The following COX10 variants were observed in gnomAD, a reference collection of about 807,000 sequenced individuals.
COX10 encodes cytochrome c oxidase assembly factor heme A:farnesyltransferase COX10, also known as protoheme IX farnesyltransferase, mitochondrial.
Under a neutral mutation model 37.3 loss-of-function variants are expected in COX10, and 27 were observed. That is an observed-to-expected ratio of 0.72 (90% confidence interval 0.53 to 1.00). The LOEUF (loss-of-function observed/expected upper bound fraction) is 1.00. COX10 is among the 50% of genes least tolerant of loss of function. The pLI, the probability that COX10 is intolerant of heterozygous loss-of-function variation, is 0.00. For missense variants in COX10, 475 were observed against 563.2 expected, an observed-to-expected ratio of 0.84 and a Z score of 1.59; for synonymous variants, 222 against 229.1, an observed-to-expected ratio of 0.97 and a Z score of 0.28.
At chr17:14,134,862 T>C (rs191040192) in intron 4 of COX10, among the ~76,000 whole-genome samples, 28 of 151,812 alleles carry the variant, frequency 1.8e-4, no homozygotes, top group African/African-American at 6.7e-4. Context: ...AGAGATTGCA[T>C]GTAGCCTTTA....
chr17:14,082,618 T>C (rs1915321539), intron 3 of COX10, among the ~76,000 whole-genome samples: 1 of 152,196 alleles, frequency 6.6e-6, no homozygotes, highest in Non-Finnish European at 1.5e-5. Flanking sequence ...TGGTTATATA[T>C]CTGAATTGTC....
At position 14,207,246 on chromosome 17, in the gene COX10, C is replaced by G. The variant is rs887469940; in HGVS notation, c.*33C>G. 6.5e-7 allele frequency: 1 copy of G among 1,530,060 alleles called. No homozygotes were observed. The highest frequency in any genetic ancestry group is 2.3e-5 in the East Asian group (1 of 42,636). The allele number at this position is 1,530,060 out of a possible 1,614,324, so 94.8% of individuals were successfully genotyped here. On this transcript the variant is annotated 3_prime_UTR_variant, in exon 7 of 7. Coordinates refer to ENST00000261643, the MANE Select transcript of COX10 (RefSeq NM_001303.4). ...GGGACGCCCACCGCCCCTTTCCCTC[C>G]GCTGCCAGGCGAGCATGTTGTGGTA...
chr17:14,071,171 G>C (rs1464966254), intron 1 of COX10, among the ~76,000 whole-genome samples: 1 of 152,144 alleles, frequency 6.6e-6, no homozygotes, highest in Admixed American at 6.5e-5. Context: ...TATCTTCTCT[G>C]TATGGAGGTT....
At chr17:14,090,898 T>G (rs1219847572) in intron 3 of COX10, among the ~76,000 whole-genome samples, 3 of 152,190 alleles carry the variant, frequency 2.0e-5, no homozygotes, top group Admixed American at 6.6e-5. Context: ...GACTATTACA[T>G]TTCCATTGCC....
Position 14,069,616 on chromosome 17 carries a change from C to T in COX10, c.11C>T (p.Ser4Phe), listed in dbSNP as rs767446394. Residue 4 changes from serine to phenylalanine, a missense_variant, in exon 1 of 7, where the codon TCT becomes TTT. This residue lies in a region of COX10 where 242 missense variants were observed against 242.5 expected (regional missense o/e 1.00). Transcript: ENST00000261643. MAA[S>F]PHTLSSRLLT... ...CCAGACTCGTAAATTATGGCCGCAT[C>T]TCCGCACACTCTCTCCTCACGCCTC... The T allele has an allele frequency of 1.2e-6, 2 of 1,614,116 alleles. No individual in the cohort carries two copies. Among genetic ancestry groups the T allele is most frequent in the Admixed American group, 3.3e-5 (2 of 60,028 alleles).
chr17:14,132,683 G>A (rs1214855922), intron 4 of COX10, among the ~76,000 whole-genome samples: 7 of 151,454 alleles, frequency 4.6e-5, no homozygotes, highest in Non-Finnish European at 7.4e-5. Flanking sequence ...CCTCTAACCT[G>A]TTAAATTATT....
intron 5 of COX10, among the ~76,000 whole-genome samples, chr17:14,174,196 A>G (rs1905579027): frequency 6.6e-6 from 1 of 152,160 alleles, no homozygotes; most frequent in Non-Finnish European, 1.5e-5. Context: ...ACAGTGGCTC[A>G]GGCCTGTAAT....
intron 3 of COX10, among the ~76,000 whole-genome samples, chr17:14,101,643 G>A (rs1044891074): frequency 2.0e-5 from 3 of 152,122 alleles, no homozygotes; most frequent in African/African-American, 7.2e-5. Context: ...ATCTCTTATA[G>A]GCAAGACCAC....
At chr17:14,071,186 C>A (rs967526826) in intron 1 of COX10, among the ~76,000 whole-genome samples, 4 of 152,102 alleles carry the variant, frequency 2.6e-5, no homozygotes, top group African/African-American at 9.7e-5. Flanking sequence ...GAGGTTTTTC[C>A]AGCATGCATC....
At chr17:14,094,770 A>G (rs1915606650) in intron 3 of COX10, among the ~76,000 whole-genome samples, 1 of 152,234 alleles carries the variant, frequency 6.6e-6, no homozygotes, top group African/African-American at 2.4e-5. Flanking sequence ...CTATAATTTT[A>G]TGAACCACAT....
intron 1 of COX10, among the ~76,000 whole-genome samples, chr17:14,073,340 G>A (rs1915071283): frequency 1.3e-5 from 2 of 152,166 alleles, no homozygotes; most frequent in African/African-American, 4.8e-5. Context: ...ATTGATAACA[G>A]GAGAGTTCAG....
At chr17:14,163,432 T>A (rs188643019) in intron 5 of COX10, among the ~76,000 whole-genome samples, 113 of 152,112 alleles carry the variant, frequency 7.4e-4, no homozygotes, top group Middle Eastern at 3.4e-3. Flanking sequence ...TTTTTTTGTA[T>A]TTTTATAGAG....
intron 4 of COX10, among the ~76,000 whole-genome samples, chr17:14,104,763 CTTTTG>C (rs904897527): frequency 1.3e-5 from 2 of 151,930 alleles, no homozygotes. Context: ...GCTGTTTTTA[CTTTTG>C]TTTTAAGGAG....
intron 4 of COX10, among the ~76,000 whole-genome samples, chr17:14,126,800 G>A (rs1191010336): frequency 1.3e-5 from 2 of 151,994 alleles, no homozygotes; most frequent in Admixed American, 6.6e-5. Context: ...TCAAGCTCCT[G>A]AATTATTAAT....
At chr17:14,203,600 T>G (rs1906611230) in intron 6 of COX10, among the ~76,000 whole-genome samples, 1 of 152,220 alleles carries the variant, frequency 6.6e-6, no homozygotes, top group African/African-American at 2.4e-5. Flanking sequence ...CACTCTGCAC[T>G]CTGTGCTGTT....
intron 5 of COX10, among the ~76,000 whole-genome samples, chr17:14,173,636 A>G (rs1905555011): frequency 6.6e-6 from 1 of 152,192 alleles, no homozygotes; most frequent in African/African-American, 2.4e-5. Context: ...AAATGTACGG[A>G]CCAGACTACA....
chr17:14,121,755 A>T (rs928146391), intron 4 of COX10, among the ~76,000 whole-genome samples: 3 of 152,230 alleles, frequency 2.0e-5, no homozygotes, highest in East Asian at 1.9e-4. Context: ...AGAATATCAT[A>T]GAAAAAAGAT....
chr17:14,069,902 C>T (rs1914972690), intron 1 of COX10, among the ~76,000 whole-genome samples: 1 of 152,136 alleles, frequency 6.6e-6, no homozygotes, highest in Admixed American at 6.5e-5. Flanking sequence ...CGGTGTCTTC[C>T]TGCTTCTTTA....
At chr17:14,093,892 C>G (rs1371333102) in intron 3 of COX10, among the ~76,000 whole-genome samples, 2 of 152,174 alleles carry the variant, frequency 1.3e-5, no homozygotes, top group African/African-American at 4.8e-5. Flanking sequence ...GTAGTACTTA[C>G]TAAAGAATAT....
Sources: allele counts gnomAD v4.1 joint callset (sites outside exome capture counted in the v4.1 genomes callset), GRCh38; gene constraint gnomAD v4.1.1; regional missense constraint gnomAD v4.1.1; transcripts MANE v1.5; gene names NCBI Gene and HGNC (gene_info 2026-07-23, HGNC 2026-07-21).